Variants in SLCO3A1 observed in about 807,000 individuals in gnomAD.
SLCO3A1 encodes the protein PGE1 transporter.
Under a neutral mutation model 63.1 loss-of-function variants are expected in SLCO3A1, and 27 were observed. The ratio of observed to expected loss-of-function variants is 0.43; its 90% CI spans 0.32 to 0.59. The LOEUF (loss-of-function observed/expected upper bound fraction) is 0.59. Among genes scored for constraint, SLCO3A1 ranks in the 20% least tolerant of loss-of-function variants. The probability of loss-of-function intolerance (pLI) is 0.09; values close to 1 mark genes in which losing one functional copy is unlikely to be tolerated. For missense variants in SLCO3A1, 773 were observed against 945.8 expected (o/e 0.82, Z 2.40); for synonymous variants, 473 against 409.9 (o/e 1.15, Z -1.86).
chr15:92,104,202 C>T lies in SLCO3A1; in HGVS notation c.746-77C>T, dbSNP rs534612176. 1.4e-5 allele frequency: 21 copies of T among 1,522,266 alleles called. 1 individual carries two copies. The South Asian group carries it at 1.4e-4, about 10-fold the overall frequency. The allele number at this position is 1,522,266 out of a possible 1,614,324, so 94.3% of individuals were successfully genotyped here. Reference sequence around the variant, plus strand: ...TAGAGCCCTTGCCCTCTCTGTTCAGCGGATTCAGATTCTCAGCAAAATCCC... The same window carrying T: ...TAGAGCCCTTGCCCTCTCTGTTCAGTGGATTCAGATTCTCAGCAAAATCCC... On this transcript the variant is annotated intron_variant, in intron 3 of 9. Coordinates refer to ENST00000318445, the MANE Select transcript of SLCO3A1 (RefSeq NM_013272.4).
At chr15:92,067,840 C>T (rs568161351) in intron 2 of SLCO3A1, among the ~76,000 whole-genome samples, 5 of 152,302 alleles carry the variant, frequency 3.3e-5, no homozygotes, top group Admixed American at 2.0e-4. Context: ...GTTCTGCAGG[C>T]GGGGACGTCC....
chr15:91,946,594 T>G (rs1285117127), intron 2 of SLCO3A1, among the ~76,000 whole-genome samples: 1 of 152,232 alleles, frequency 6.6e-6, no homozygotes, highest in East Asian at 1.9e-4. Flanking sequence ...TTGGAATGCA[T>G]GTGGTAGAGA....
chr15:92,167,737 T>C (rs934489014), downstream of SLCO3A1, among the ~76,000 whole-genome samples: 2 of 152,208 alleles, frequency 1.3e-5, no homozygotes, highest in African/African-American at 2.4e-5. Flanking sequence ...CCTGAATGCA[T>C]GCAGCCACCC....
At chr15:91,907,309 A>G (rs1266852703) in intron 1 of SLCO3A1, among the ~76,000 whole-genome samples, 3 of 151,828 alleles carry the variant, frequency 2.0e-5, no homozygotes, top group African/African-American at 7.2e-5. Flanking sequence ...GGGTTCAAGC[A>G]ATTCTCCTGC....
At chr15:91,972,892 A>C (rs1357140017) in intron 2 of SLCO3A1, among the ~76,000 whole-genome samples, 1 of 152,186 alleles carries the variant, frequency 6.6e-6, no homozygotes, top group Non-Finnish European at 1.5e-5. Context: ...AGGCCGAGGC[A>C]GGCGGATCAC....
chr15:91,967,395 C>T lies in SLCO3A1; in HGVS notation c.646+50937C>T, dbSNP rs1339511460. ...ACCCATAAGAGTCCAAATAACTCCC[C>T]CTGCTTGAAGCTTTATATGGTGATC... On this transcript the variant is annotated intron_variant, in intron 2 of 9. Coordinates refer to ENST00000318445, the MANE Select transcript of SLCO3A1 (RefSeq NM_013272.4). This position sits in a 1 kb window ranked among gnomAD's most constrained non-coding sequence, Gnocchi z 4.4. Among the ~76,000 whole-genome samples the T allele has an allele frequency of 5.9e-5, 9 of 152,248 alleles. No individual in the cohort carries two copies. In the East Asian group the frequency reaches 1.7e-3, roughly 30 times the overall value.
At position 92,162,924 on chromosome 15, in the gene SLCO3A1, A is replaced by G; in HGVS notation, c.1922A>G (p.Tyr641Cys). ...IALKSFAFIL[Y>C]TTTWQCLRKN... ...CTCAAATCCTTCGCCTTCATCCTGT[A>G]CACCACCACGTGGCAGTGCCTGAGG... The change falls in exon 10 of 10, where the codon TAC becomes TGC. Residue 641 changes from tyrosine (Y) to cysteine (C), a missense_variant. By Grantham distance (194) the Tyr-to-Cys change is radical. This residue lies in a region of SLCO3A1 where 139 missense variants were observed against 131.4 expected (regional missense o/e 1.06). Coordinates refer to ENST00000318445, the MANE Select transcript of SLCO3A1 (RefSeq NM_013272.4). The G allele has an allele frequency of 6.2e-7, 1 of 1,614,176 alleles. No homozygotes were observed. Among genetic ancestry groups the G allele is most frequent in the Non-Finnish European group, 8.5e-7 (1 of 1,180,026 alleles).
chr15:92,096,133 G>A (rs1451643598), intron 3 of SLCO3A1, among the ~76,000 whole-genome samples: 1 of 152,150 alleles, frequency 6.6e-6, no homozygotes, highest in Non-Finnish European at 1.5e-5. Context: ...GTTGCAAGGT[G>A]GCAACCTGGT....
chr15:91,889,708 A>G (rs1567172872), intron 1 of SLCO3A1, among the ~76,000 whole-genome samples: 1 of 152,268 alleles, frequency 6.6e-6, no homozygotes. Context: ...TGCCCAGGCA[A>G]ATCAACCAGG....
rs374112493 is a variant in SLCO3A1, at chr15:91,906,072, G to A, written c.181-9921G>A. ...GGATAGTTATCTTCTCTGGGCTCAG[G>A]TTCCTCATCTGTAGAATGGGATAGT... On this transcript the variant is annotated intron_variant, in intron 1 of 9. Coordinates refer to ENST00000318445, the MANE Select transcript of SLCO3A1 (RefSeq NM_013272.4). Among the ~76,000 whole-genome samples the A allele has an allele frequency of 2.0e-5, 3 of 152,200 alleles. No individual in the cohort carries two copies. In the South Asian group the frequency reaches 6.2e-4, roughly 31 times the overall value.
chr15:91,942,803 C>G lies in SLCO3A1; in HGVS notation c.646+26345C>G, dbSNP rs185138812. Among the ~76,000 whole-genome samples the G allele has an allele frequency of 2.6e-4, 40 of 152,250 alleles. No individual in the cohort carries two copies. Among genetic ancestry groups the G allele is most frequent in the Admixed American group, 6.5e-4 (10 of 15,298 alleles). On this transcript the variant is annotated intron_variant, in intron 2 of 9. Transcript: ENST00000318445. This position sits in a 1 kb window ranked among gnomAD's most constrained non-coding sequence, Gnocchi z 4.1. ...TCTCAAATTCCTGACCTAAAGTGAT[C>G]AGGTCACTGATCACTCCTCCCAAGG... is the stretch of plus-strand genomic sequence containing the variant.
At chr15:92,045,802 A>G (rs2046854745) in intron 2 of SLCO3A1, among the ~76,000 whole-genome samples, 1 of 152,130 alleles carries the variant, frequency 6.6e-6, no homozygotes, top group African/African-American at 2.4e-5. Flanking sequence ...TTTCTCACAT[A>G]AGCCTTCAGA....
intron 2 of SLCO3A1, among the ~76,000 whole-genome samples, chr15:92,012,014 G>A (rs772004426): frequency 1.3e-5 from 2 of 152,248 alleles, no homozygotes; most frequent in Admixed American, 6.5e-5. Flanking sequence ...GCACATGAGC[G>A]GGGACTGAAG....
chr15:92,064,600 G>A (rs527594500), intron 2 of SLCO3A1, among the ~76,000 whole-genome samples: 2 of 152,202 alleles, frequency 1.3e-5, no homozygotes, highest in South Asian at 4.1e-4. Context: ...CACTACTCAC[G>A]ATAGCCAAGA....
At chr15:91,969,392 A>G (rs1001589843) in intron 2 of SLCO3A1, among the ~76,000 whole-genome samples, 13 of 151,260 alleles carry the variant, frequency 8.6e-5, no homozygotes, top group African/African-American at 2.9e-4. Context: ...TGCAACCTCC[A>G]CCTCCTAGGT....
In SLCO3A1 at chr15:92,032,697, C is replaced by A. The variant is rs146414021; in HGVS notation, c.647-62184C>A. ...GGGCAGCATCTTGCAGGTGCAGAGG[C>A]CCCCATCGAAGGCGGTTGCGATGCT... On this transcript the variant is annotated intron_variant, in intron 2 of 9. Transcript: ENST00000318445. 2.4e-4 allele frequency among the ~76,000 whole-genome samples: 36 copies of A among 152,156 alleles called. No homozygotes were observed. In the South Asian group the frequency reaches 6.2e-3, roughly 26 times the overall value.
intron 2 of SLCO3A1, among the ~76,000 whole-genome samples, chr15:91,993,743 G>C (rs887802014): frequency 2.0e-5 from 3 of 152,164 alleles, no homozygotes; most frequent in Non-Finnish European, 4.4e-5. Context: ...AGGCTGACCT[G>C]TATAACCAAT....
intron 2 of SLCO3A1, among the ~76,000 whole-genome samples, chr15:91,986,822 A>G (rs1415849654): frequency 6.6e-6 from 1 of 152,238 alleles, no homozygotes; most frequent in Non-Finnish European, 1.5e-5. Flanking sequence ...TTGTAAAAAT[A>G]GGAAGATAGA....
rs537515743 is a variant in SLCO3A1, at chr15:91,883,119, G to T, written c.180+29031G>T. 5.9e-5 allele frequency among the ~76,000 whole-genome samples: 9 copies of T among 152,324 alleles called. No homozygotes were observed. The highest frequency in any genetic ancestry group is 1.9e-4 in the African/African-American group (8 of 41,582). ...ATTCAGATTCCAGTCCTCTCTGTCA[G>T]CTCCTCTTAATCTCCATGTTACTCA... On this transcript the variant is annotated intron_variant, in intron 1 of 9. Transcript: ENST00000318445. The surrounding 1 kb of genome is among the most constrained non-coding windows in gnomAD (Gnocchi z 4.8).
Sources: allele counts gnomAD v4.1 joint callset (sites outside exome capture counted in the v4.1 genomes callset), GRCh38; gene constraint gnomAD v4.1.1; regional missense constraint gnomAD v4.1.1; non-coding constraint Gnocchi (gnomAD v3.1); transcripts MANE v1.5; gene names NCBI Gene and HGNC (gene_info 2026-07-23, HGNC 2026-07-21).